The following SBF2 variants were observed in gnomAD, a reference collection of about 807,000 sequenced individuals.
The protein encoded by SBF2 is SET binding factor 2, also known as myotubularin-related protein 13.
Under a neutral mutation model 225.2 loss-of-function variants are expected in SBF2, and 112 were observed. That is an observed-to-expected ratio of 0.50 (90% confidence interval 0.43 to 0.58). The LOEUF (loss-of-function observed/expected upper bound fraction) is 0.58. Ranked by LOEUF, SBF2 falls within the 20% of genes least tolerant of loss-of-function variation. The probability of loss-of-function intolerance (pLI) is 0.00; values close to 1 mark genes in which losing one functional copy is unlikely to be tolerated. For synonymous variants in SBF2, 763 were observed against 773.3 expected (o/e 0.99, Z 0.22); for missense variants, 1,996 against 2,206.2 (o/e 0.90, Z 1.91).
intron 6 of SBF2, among the ~76,000 whole-genome samples, chr11:10,007,429 G>A (rs1278750535): frequency 6.6e-6 from 1 of 152,084 alleles, no homozygotes; most frequent in Non-Finnish European, 1.5e-5. Flanking sequence ...TTGAATACAA[G>A]CTCCACGACC....
chr11:10,285,783 G>A (rs575269996), intron 1 of SBF2, among the ~76,000 whole-genome samples: 11 of 152,250 alleles, frequency 7.2e-5, no homozygotes, highest in Non-Finnish European at 1.5e-4. Context: ...TGCTTTGTTT[G>A]TGCATTTTGT....
intron 2 of SBF2, among the ~76,000 whole-genome samples, chr11:10,173,488 CCCACCTGGCTGGGAGGGT>C (rs906548608): frequency 1.1e-4 from 16 of 152,220 alleles, no homozygotes; most frequent in African/African-American, 3.6e-4. Flanking sequence ...GATTATATCC[CCCACCTGGCTGGGAGGGT>C]CCTACGCCCA....
At chr11:9,979,429 A>G (rs73406710) in intron 13 of SBF2, among the ~76,000 whole-genome samples, 2,392 of 152,286 alleles carry the variant, frequency 0.016, 43 homozygotes, top group African/African-American at 0.042. Context: ...TTCTCATATG[A>G]TCATGCTGTA....
intron 1 of SBF2, among the ~76,000 whole-genome samples, chr11:10,217,903 C>CA (rs1555080927): frequency 6.6e-6 from 1 of 151,948 alleles, no homozygotes; most frequent in Non-Finnish European, 1.5e-5. Context: ...AAAGTCACAT[C>CA]TTTTTTTCTT....
intron 9 of SBF2, among the ~76,000 whole-genome samples, chr11:9,997,712 A>G (rs974723991): frequency 2.0e-4 from 30 of 152,328 alleles, no homozygotes; most frequent in Non-Finnish European, 2.4e-4. Flanking sequence ...CGGGAGGCGG[A>G]GCTTGCAGTG....
At chr11:10,260,838 C>T (rs1961357120) in intron 1 of SBF2, among the ~76,000 whole-genome samples, 1 of 150,960 alleles carries the variant, frequency 6.6e-6, no homozygotes, top group Non-Finnish European at 1.5e-5. Flanking sequence ...TGTGATTGTG[C>T]CACTGCACTC....
intron 16 of SBF2, among the ~76,000 whole-genome samples, chr11:9,942,081 G>A (rs1295099552): frequency 6.6e-6 from 1 of 152,192 alleles, no homozygotes; most frequent in African/African-American, 2.4e-5. Flanking sequence ...AATCATACAT[G>A]TATTTTTTGA....
At chr11:10,084,988 T>TAAGG (rs1349769613) in intron 2 of SBF2, among the ~76,000 whole-genome samples, 1 of 152,068 alleles carries the variant, frequency 6.6e-6, no homozygotes, top group East Asian at 1.9e-4. Flanking sequence ...GTGCAATATA[T>TAAGG]ATTAGTTGGG....
intron 5 of SBF2, 55 bp downstream of exon 5, chr11:10,029,710 G>T: frequency 9.3e-7 from 1 of 1,080,700 alleles, no homozygotes; most frequent in Non-Finnish European, 1.4e-6. Context: ...TAAATTAACT[G>T]GAGGAGAGGG....
intron 17 of SBF2, among the ~76,000 whole-genome samples, chr11:9,885,123 C>T (rs187663144): frequency 4.6e-5 from 7 of 151,516 alleles, no homozygotes; most frequent in South Asian, 4.2e-4. Flanking sequence ...TGGTGGTAGG[C>T]GCCTATAATC....
At chr11:10,031,969 G>A (rs925313732) in intron 3 of SBF2, among the ~76,000 whole-genome samples, 4 of 152,122 alleles carry the variant, frequency 2.6e-5, no homozygotes, top group African/African-American at 7.2e-5. Context: ...TCAAACTACT[G>A]AGCTCAAGTG....
intron 2 of SBF2, among the ~76,000 whole-genome samples, chr11:10,089,507 C>T (rs1951699984): frequency 6.6e-6 from 1 of 152,128 alleles, no homozygotes; most frequent in African/African-American, 2.4e-5. Context: ...ATGGGTCAAT[C>T]TTTTTCTCTA....
At chr11:10,091,074 T>C (rs1268877615) in intron 2 of SBF2, among the ~76,000 whole-genome samples, 2 of 152,164 alleles carry the variant, frequency 1.3e-5, no homozygotes, top group African/African-American at 4.8e-5. Flanking sequence ...ATACCTACTA[T>C]ACTCAAGATA....
At chr11:10,164,538 C>A (rs144847832) in intron 2 of SBF2, among the ~76,000 whole-genome samples, 363 of 152,292 alleles carry the variant, frequency 2.4e-3, no homozygotes, top group Non-Finnish European at 3.6e-3. Flanking sequence ...GACCTTTTAA[C>A]ACATAAGTTA....
At chr11:9,983,569 A>G (rs1947054342) in intron 13 of SBF2, among the ~76,000 whole-genome samples, 1 of 152,100 alleles carries the variant, frequency 6.6e-6, no homozygotes. Flanking sequence ...CCCTCTCCAC[A>G]CTACTACACC....
intron 32 of SBF2, among the ~76,000 whole-genome samples, chr11:9,806,426 T>C (rs973282745): frequency 7.2e-5 from 11 of 152,210 alleles, no homozygotes; most frequent in Non-Finnish European, 1.5e-4. Context: ...AGAACTCATA[T>C]GCTTTCACCT....
intron 16 of SBF2, among the ~76,000 whole-genome samples, chr11:9,940,127 G>A (rs1475499467): frequency 1.3e-5 from 2 of 152,192 alleles, no homozygotes; most frequent in African/African-American, 4.8e-5. Flanking sequence ...GCTAAGGCCG[G>A]GCGCGGTGGC....
At chr11:10,074,323 TAATA>T (rs747624305) in intron 2 of SBF2, among the ~76,000 whole-genome samples, 2 of 152,180 alleles carry the variant, frequency 1.3e-5, no homozygotes, top group Non-Finnish European at 2.9e-5. Flanking sequence ...ATTTGATAAA[TAATA>T]AATACCAAAA....
At chr11:10,275,376 T>C (rs921177168) in intron 1 of SBF2, among the ~76,000 whole-genome samples, 9 of 152,148 alleles carry the variant, frequency 5.9e-5, no homozygotes, top group African/African-American at 1.2e-4. Context: ...AAGACCAAAG[T>C]ATATTTGATT....
Sources: gnomAD v4.1 joint callset for allele counts (sites outside exome capture counted in the v4.1 genomes callset) on GRCh38, gnomAD v4.1.1 for gene constraint, MANE v1.5 for transcripts, NCBI Gene and HGNC (gene_info 2026-07-23, HGNC 2026-07-21) for gene names.